The following IGF2R variants were observed in gnomAD, a reference collection of about 807,000 sequenced individuals.
IGF2R encodes the protein insulin like growth factor 2 receptor, also known as cation-independent mannose-6-phosphate receptor.
Under a neutral mutation model 270.6 loss-of-function variants are expected in IGF2R, and 91 were observed. The observed-to-expected ratio is 0.34, with a 90% CI of 0.28 to 0.40. The LOEUF (loss-of-function observed/expected upper bound fraction) is 0.40. IGF2R is among the 10% of genes least tolerant of loss of function. IGF2R has a pLI of 1.00. For missense variants in IGF2R, 2,805 were observed against 3,188.3 expected, an observed-to-expected ratio of 0.88 and a Z score of 2.90; for synonymous variants, 1,316 against 1,258.9, an observed-to-expected ratio of 1.05 and a Z score of -0.96.
chr6:160,045,375 A>G lies in IGF2R; in HGVS notation c.1766-370A>G, dbSNP rs372225053. On this transcript the variant is annotated intron_variant, in intron 13 of 47. Transcript: ENST00000356956. ...TTTGTTTGTTTGTTTTATATGGTAA[A>G]ATATACAACATAACGTAAAATGTAC... Among the ~76,000 whole-genome samples the G allele has an allele frequency of 1.1e-4, 17 of 152,316 alleles. No homozygotes were observed. The East Asian group carries it at 2.9e-3, about 26-fold the overall frequency.
At chr6:160,062,784 A>G (rs544521774) in intron 26 of IGF2R, among the ~76,000 whole-genome samples, 165 bp downstream of exon 26, 1 of 151,762 alleles carries the variant, frequency 6.6e-6, no homozygotes, top group African/African-American at 2.4e-5. Context: ...TTTTTTACTG[A>G]AGCATATTGC....
intron 1 of IGF2R, among the ~76,000 whole-genome samples, chr6:159,976,954 T>G (rs1783704618): frequency 6.6e-6 from 1 of 152,172 alleles, no homozygotes; most frequent in African/African-American, 2.4e-5. Flanking sequence ...TCTTCTTCGG[T>G]TTGTCTGTTG....
chr6:160,069,307 C>T lies in IGF2R; in HGVS notation c.4253-561C>T, dbSNP rs189312634. ...CATCTTGGGTGGCTCACCTCAAAGG[C>T]GGTGTGGTTATTTTTAGCTGCAGAA... On this transcript the variant is annotated intron_variant, in intron 30 of 47. Transcript: ENST00000356956. Among the ~76,000 whole-genome samples the T allele has an allele frequency of 2.8e-4, 42 of 152,162 alleles. 1 individual carries two copies. The highest frequency in any genetic ancestry group is 4.0e-4 in the Non-Finnish European group (27 of 67,998).
At chr6:160,093,826 C>T in intron 44 of IGF2R, 1 of 731,106 alleles carries the variant, frequency 1.4e-6, no homozygotes, top group South Asian at 1.4e-5. Context: ...GGGTGCTGTG[C>T]ATGATGGTCC....
chr6:160,020,449 T>A (rs916697887), intron 4 of IGF2R, among the ~76,000 whole-genome samples: 1 of 152,160 alleles, frequency 6.6e-6, no homozygotes, highest in African/African-American at 2.4e-5. Flanking sequence ...GAAAAAGTCC[T>A]AAAATTCATG....
At chr6:159,970,052 C>T (rs1213387293) in intron 1 of IGF2R, among the ~76,000 whole-genome samples, 1 of 152,070 alleles carries the variant, frequency 6.6e-6, no homozygotes, top group Non-Finnish European at 1.5e-5. Context: ...CTTCTCTGAG[C>T]CCAACTTCCT....
intron 4 of IGF2R, among the ~76,000 whole-genome samples, chr6:160,013,599 G>A (rs1166541130): frequency 1.4e-4 from 22 of 152,120 alleles, no homozygotes; most frequent in Admixed American, 1.4e-3. Flanking sequence ...ATTGGCAGCT[G>A]GGGCTTTATT....
In IGF2R at chr6:160,010,778, A is replaced by G; in HGVS notation, c.506A>G (p.Asn169Ser). 6.3e-7 allele frequency: 1 copy of G among 1,588,194 alleles called. No homozygotes were observed. Among genetic ancestry groups the G allele is most frequent in the South Asian group, 1.1e-5 (1 of 90,538 alleles). ...TGCAAGAAAGACATATTTAAAGCAA[A>G]TAAGGAGGTAACATGGGAACTTCAA... ...AACKKDIFKA[N>S]KEVPCYVFDE... is the part of the protein sequence containing the mutation. Residue 169 changes from asparagine to serine, a missense_variant, in exon 4 of 48, where the codon AAT (asparagine) becomes AGT (serine). Coordinates refer to ENST00000356956, the MANE Select transcript of IGF2R (RefSeq NM_000876.4).
In IGF2R at chr6:160,061,782, G is replaced by A; in HGVS notation, c.3436G>A (p.Glu1146Lys). 1.2e-6 allele frequency: 2 copies of A among 1,614,188 alleles called. No individual in the cohort carries two copies. The highest frequency in any genetic ancestry group is 2.2e-5 in the East Asian group (1 of 44,882). Residue 1146 changes from glutamate to lysine, a missense_variant, in exon 25 of 48, where the codon GAA becomes AAA. This residue lies in a region of IGF2R where 1,851 missense variants were observed against 2,207.2 expected (regional missense o/e 0.84). Coordinates refer to ENST00000356956, the MANE Select transcript of IGF2R (RefSeq NM_000876.4). ...CGCAGTGGGGTCTTGCTTAGTGTCA[G>A]AAGGCAATAGCTGGAATCTGGGTGT... is the stretch of plus-strand genomic sequence containing the variant. Reference protein sequence around the residue: ...GSAVGSCLVSEGNSWNLGVVQ... With the variant: ...GSAVGSCLVSKGNSWNLGVVQ...
At chr6:160,021,815 T>C (rs766420616) in intron 4 of IGF2R, among the ~76,000 whole-genome samples, 1 of 151,950 alleles carries the variant, frequency 6.6e-6, no homozygotes, top group South Asian at 2.1e-4. Flanking sequence ...TTATGGAAAA[T>C]AGTATGGAAA....
At chr6:160,093,622 A>G in intron 44 of IGF2R, 1 of 716,148 alleles carries the variant, frequency 1.4e-6, no homozygotes, top group Non-Finnish European at 2.6e-6. Context: ...CCTTCCTTCC[A>G]GAGGGAGAGG....
chr6:160,054,175 C>T (rs572287225), intron 19 of IGF2R, among the ~76,000 whole-genome samples: 158 of 152,302 alleles, frequency 1.0e-3, no homozygotes, highest in African/African-American at 3.7e-3. Flanking sequence ...AAGACTAAGA[C>T]ACGAATGGAT....
In IGF2R at chr6:160,108,362, C is replaced by T. The variant is rs1247043710; in HGVS notation, c.*3278C>T. ...GGGTGTTGGATAGGTAAGGCAGAAG[C>T]AAGCCCAGAACTTGGAGCCTGTTGT... On this transcript the variant is annotated 3_prime_UTR_variant, in exon 48 of 48. Transcript: ENST00000356956. 6.6e-6 allele frequency: 1 copy of T among 152,462 alleles called. No homozygotes were observed. The highest frequency in any genetic ancestry group is 2.4e-5 in the African/African-American group (1 of 41,444). 9.4% of individuals were successfully genotyped at this position (152,462 alleles called of 1,614,324 possible).
At position 160,079,703 on chromosome 6, in the gene IGF2R, C is replaced by T. The variant is rs773104050; in HGVS notation, c.5602C>T (p.Arg1868Trp). Residue 1868 changes from arginine (R) to tryptophan (W), a missense_variant, in exon 38 of 48, where the codon CGG becomes TGG. By Grantham distance (101) the Arg-to-Trp change is moderately radical. This residue lies in a region of IGF2R where 1,851 missense variants were observed against 2,207.2 expected (regional missense o/e 0.84). Transcript: ENST00000356956. ...LSGTKGASFG[R>W]LQSMKLDYRH... ...AGGCACCAAGGGGGCATCCTTTGGACGGCTGCAATCAATGAAACTGGATTA... is the reference window on the plus strand; with the variant it reads ...AGGCACCAAGGGGGCATCCTTTGGATGGCTGCAATCAATGAAACTGGATTA... The T allele has an allele frequency of 1.8e-5, 27 of 1,514,936 alleles. No homozygotes were observed. Among genetic ancestry groups the T allele is most frequent in the South Asian group, 2.7e-5 (2 of 75,166 alleles). The allele number at this position is 1,514,936 out of a possible 1,614,324, so 93.8% of individuals were successfully genotyped here. A position where few individuals can be genotyped will look rare whatever the true frequency, so the allele number is the denominator to read the frequency against.
At chr6:160,093,707 G>T (rs1779282779) in intron 44 of IGF2R, 2 of 757,578 alleles carry the variant, frequency 2.6e-6, no homozygotes, top group Non-Finnish European at 4.9e-6. Flanking sequence ...AAAGAGCAAA[G>T]TTGTGAATGG....
chr6:160,088,268 A>T, intron 42 of IGF2R, 121 bp downstream of exon 42: 1 of 691,802 alleles, frequency 1.4e-6, no homozygotes, highest in South Asian at 1.5e-5. Flanking sequence ...AGAGCCGCTG[A>T]TTGTGCTGTA....
intron 1 of IGF2R, among the ~76,000 whole-genome samples, chr6:159,983,600 G>A (rs1270630859): frequency 6.6e-6 from 1 of 152,208 alleles, no homozygotes; most frequent in Non-Finnish European, 1.5e-5. Context: ...CACAGACTTT[G>A]CTTTAAAAGC....
In IGF2R at chr6:160,068,270, C is replaced by T. The variant is rs747309221; in HGVS notation, c.4137C>T (p.Phe1379=). The T allele has an allele frequency of 3.2e-5, 52 of 1,614,122 alleles. No homozygotes were observed. The highest frequency in any genetic ancestry group is 3.3e-4 in the Middle Eastern group (2 of 6,084). Residue 1379 remains phenylalanine (F), a synonymous_variant, in exon 30 of 48, where the codon TTC becomes TTT. Transcript: ENST00000356956. ...TCAGAGATGGGGCTGGCAACTCCTT[C>T]GACCTCTCGTCCCTGTCAAGGTACA... ...CSFKDGAGNS[F]DLSSLSRYSD... is the part of the protein sequence containing the mutation.
chr6:160,088,335 TAC>T, intron 42 of IGF2R, among the ~76,000 whole-genome samples, 188 bp downstream of exon 42: 1 of 152,336 alleles, frequency 6.6e-6, no homozygotes, highest in East Asian at 1.9e-4. Context: ...GAGACACTGT[TAC>T]AAGACCAGTG....
Sources: gnomAD v4.1 joint callset for allele counts (sites outside exome capture counted in the v4.1 genomes callset) on GRCh38, gnomAD v4.1.1 for gene constraint, gnomAD v4.1.1 regional missense constraint, MANE v1.5 for transcripts, NCBI Gene and HGNC (gene_info 2026-07-23, HGNC 2026-07-21) for gene names.